VAV3: variants seen among roughly 807,000 people sequenced by gnomAD.
VAV3 encodes the protein guanine nucleotide exchange factor VAV3.
In VAV3, 94 loss-of-function variants were observed where a neutral mutation model predicts 131.2. That is an observed-to-expected ratio of 0.72 (90% CI 0.61 to 0.85). The LOEUF (loss-of-function observed/expected upper bound fraction) is 0.85, where lower values mean the gene tolerates loss of function less well. VAV3 is among the 40% of genes least tolerant of loss of function. The pLI is 0.00. For missense variants in VAV3, 939 were observed against 1,002.7 expected, an observed-to-expected ratio of 0.94 and a Z score of 0.86; for synonymous variants, 349 against 342.0, an observed-to-expected ratio of 1.02 and a Z score of -0.22.
Position 107,964,964 on chromosome 1 carries a change from C to T in VAV3, c.-95G>A. The stretch of plus-strand genomic sequence containing the variant: ...CGGTTCCTCCGCGCCCCGCCGACGC[C>T]AACAGCCGCCGGCCCTTTCCCCGCG... On this transcript the variant is annotated 5_prime_UTR_variant, in exon 1 of 27. Transcript: ENST00000370056. 9.4e-7 allele frequency: 1 copy of T among 1,061,990 alleles called. No homozygotes were observed. The highest frequency in any genetic ancestry group is 1.2e-6 in the Non-Finnish European group (1 of 843,572). The allele number at this position is 1,061,990 out of a possible 1,614,324, so 65.8% of individuals were successfully genotyped here. A position where few individuals can be genotyped will look rare whatever the true frequency, so the allele number is the denominator to read the frequency against.
chr1:107,732,494 G>A (rs894727325), intron 15 of VAV3, among the ~76,000 whole-genome samples: 7 of 152,138 alleles, frequency 4.6e-5, no homozygotes, highest in African/African-American at 7.2e-5. Flanking sequence ...CAGGAAAATC[G>A]GGACACTCCC....
chr1:107,777,923 T>C (rs1179023211), intron 3 of VAV3, among the ~76,000 whole-genome samples: 2 of 152,228 alleles, frequency 1.3e-5, no homozygotes, highest in Admixed American at 6.5e-5. Flanking sequence ...AGTGTTTTCT[T>C]TGTTCCCTAT....
intron 2 of VAV3, among the ~76,000 whole-genome samples, chr1:107,827,893 A>T (rs1668082760): frequency 6.6e-6 from 1 of 152,168 alleles, no homozygotes; most frequent in African/African-American, 2.4e-5. Context: ...CATACTAGTT[A>T]ATGGTCAATT....
At chr1:107,859,245 A>G (rs1229286573) in intron 2 of VAV3, among the ~76,000 whole-genome samples, 1 of 151,774 alleles carries the variant, frequency 6.6e-6, no homozygotes, top group African/African-American at 2.4e-5. Context: ...TCATTATTTT[A>G]TTTTTTGTAG....
At chr1:107,814,160 T>C (rs994590961) in intron 2 of VAV3, among the ~76,000 whole-genome samples, 2 of 152,158 alleles carry the variant, frequency 1.3e-5, no homozygotes, top group Non-Finnish European at 2.9e-5. Flanking sequence ...TTCCTTTGAA[T>C]AAATACCCAG....
chr1:107,950,105 C>G (rs1174380260), intron 1 of VAV3, among the ~76,000 whole-genome samples: 1 of 137,504 alleles, frequency 7.3e-6, no homozygotes, highest in Non-Finnish European at 1.6e-5. Context: ...TCCAAGCACA[C>G]CCCTGGATTC....
chr1:107,907,189 G>T (rs1314085224), intron 1 of VAV3, among the ~76,000 whole-genome samples: 1 of 152,160 alleles, frequency 6.6e-6, no homozygotes, highest in African/African-American at 2.4e-5. Flanking sequence ...ACATTTCTTG[G>T]AATTTTCCCT....
chr1:107,956,235 TGAGA>T (rs1185972573), intron 1 of VAV3, among the ~76,000 whole-genome samples: 1 of 152,198 alleles, frequency 6.6e-6, no homozygotes, highest in African/African-American at 2.4e-5. Flanking sequence ...GATTACGAGT[TGAGA>T]GAAAGAAGGG....
At chr1:107,606,803 CTTTTTT>C (rs34849497) in intron 22 of VAV3, among the ~76,000 whole-genome samples, 10 of 58,002 alleles carry the variant, frequency 1.7e-4, no homozygotes, top group South Asian at 8.6e-4. Context: ...ATGGTTTCTT[CTTTTTT>C]TTTTTTTTTT....
intron 1 of VAV3, among the ~76,000 whole-genome samples, chr1:107,925,171 A>C (rs1673090140): frequency 6.6e-6 from 1 of 152,218 alleles, no homozygotes; most frequent in Admixed American, 6.5e-5. Flanking sequence ...AAAAGAAATC[A>C]GAAAAACTAA....
intron 4 of VAV3, among the ~76,000 whole-genome samples, chr1:107,774,970 G>A (rs1452791834): frequency 6.6e-6 from 1 of 151,586 alleles, no homozygotes; most frequent in Non-Finnish European, 1.5e-5. Flanking sequence ...ACTTTGGGAG[G>A]CCAAGGTGGG....
chr1:107,845,118 C>A (rs1318517330), intron 2 of VAV3, among the ~76,000 whole-genome samples: 1 of 152,196 alleles, frequency 6.6e-6, no homozygotes, highest in East Asian at 1.9e-4. Flanking sequence ...GAACAGGCAG[C>A]AATCTTTGCT....
At chr1:107,785,672 C>G in intron 2 of VAV3, 1 of 1,108,048 alleles carries the variant, frequency 9.0e-7, no homozygotes, top group Non-Finnish European at 1.1e-6. Flanking sequence ...AACTTGGGCC[C>G]CAGAAGAGGG....
chr1:107,875,134 T>A lies in VAV3; in HGVS notation c.205-117A>T, dbSNP rs898279914. The A allele has an allele frequency of 8.8e-6, 8 of 913,176 alleles. No individual in the cohort carries two copies. In the African/African-American group the frequency reaches 1.3e-4, roughly 15 times the overall value. 56.6% of individuals were successfully genotyped at this position (913,176 alleles called of 1,614,324 possible). On this transcript the variant is annotated intron_variant, in intron 1 of 26. Transcript: ENST00000370056. The stretch of plus-strand genomic sequence containing the variant: ...AGAAAGCATCAAGCAGCCTTTGAAG[T>A]TGCTTTTCAATTACTCATTCAGCAG...
intron 2 of VAV3, among the ~76,000 whole-genome samples, chr1:107,812,030 C>T (rs544240884): frequency 1.3e-5 from 2 of 152,222 alleles, no homozygotes; most frequent in South Asian, 2.1e-4. Flanking sequence ...AAAATGACAG[C>T]CTCTATAACA....
chr1:107,587,973 T>C (rs1650635172), intron 25 of VAV3, among the ~76,000 whole-genome samples: 1 of 152,144 alleles, frequency 6.6e-6, no homozygotes, highest in Admixed American at 6.6e-5. Flanking sequence ...GATGAGAAAT[T>C]CTAAGATCAT....
At chr1:107,624,374 CTGTGTGTGTG>C (rs59476510) in intron 20 of VAV3, among the ~76,000 whole-genome samples, 46,057 of 143,210 alleles carry the variant, frequency 0.32, 7,476 homozygotes, top group East Asian at 0.46. Flanking sequence ...AGTCTTATGA[CTGTGTGTGTG>C]TGTGTGTGTG....
At position 107,728,343 on chromosome 1, in the gene VAV3, C is replaced by G. The variant is rs188251439; in HGVS notation, c.1502+20625G>C. Among the ~76,000 whole-genome samples, 210 of 152,224 alleles carry G rather than the reference C, an allele frequency of 1.4e-3. 2 individuals are homozygous for G. In the East Asian group the frequency reaches 0.029, roughly 21 times the overall value. On this transcript the variant is annotated intron_variant, in intron 15 of 26. Coordinates refer to ENST00000370056, the MANE Select transcript of VAV3 (RefSeq NM_006113.5). ...TTCCTTTAATAGTCTCAGTTCCACT[C>G]TTTACTACTCCTGTGGCTTTGGGCA...
intron 15 of VAV3, among the ~76,000 whole-genome samples, chr1:107,717,392 T>C (rs55759434): frequency 0.1 from 15,898 of 152,272 alleles, 986 homozygotes; most frequent in East Asian, 0.25. Context: ...TAAATTTCCC[T>C]CTATACACTG....
Sources: gnomAD v4.1 joint callset for allele counts (sites outside exome capture counted in the v4.1 genomes callset) on GRCh38, gnomAD v4.1.1 for gene constraint, MANE v1.5 for transcripts, NCBI Gene and HGNC (gene_info 2026-07-23, HGNC 2026-07-21) for gene names.